The following DGKG variants were observed in gnomAD, a reference collection of about 807,000 sequenced individuals.
The protein encoded by DGKG is DAG kinase gamma.
In DGKG, 78 loss-of-function variants were observed where a neutral mutation model predicts 105.3. The ratio of observed to expected loss-of-function variants is 0.74; its 90% confidence interval spans 0.62 to 0.89. The LOEUF is 0.89. Ranked by LOEUF, DGKG falls within the 40% of genes least tolerant of loss-of-function variation. The pLI, the probability that DGKG is intolerant of heterozygous loss-of-function variation, is 0.00. For missense variants in DGKG, 958 were observed against 1,020.1 expected (o/e 0.94, Z 0.83); for synonymous variants, 346 against 367.1 (o/e 0.94, Z 0.66).
intron 24 of DGKG, among the ~76,000 whole-genome samples, chr3:186,156,786 G>A (rs555700374): frequency 6.6e-6 from 1 of 151,088 alleles, no homozygotes; most frequent in South Asian, 2.1e-4. Flanking sequence ...TATATCCTTT[G>A]AATTGATTAT....
chr3:186,186,831 T>C (rs1011880413), intron 22 of DGKG, among the ~76,000 whole-genome samples: 3 of 152,158 alleles, frequency 2.0e-5, no homozygotes, highest in Non-Finnish European at 2.9e-5. Flanking sequence ...TGGTGGAAAA[T>C]GGCTACTTTT....
At position 186,297,476 on chromosome 3, in the gene DGKG, A is replaced by G. The variant is rs763186192; in HGVS notation, c.318T>C (p.Asn106=). The change falls in exon 5 of 25, where the codon AAT becomes AAC. Residue 106 remains asparagine, a synonymous_variant. Transcript: ENST00000265022. ...TGGTGGCATTATCTGCATTCTGTATATTAGTATCTGAGGAAAAAAAAGAAG... is the reference window on the plus strand; with the variant it reads ...TGGTGGCATTATCTGCATTCTGTATGTTAGTATCTGAGGAAAAAAAAGAAG... The part of the protein sequence containing the change: ...SNSEANSADT[N]IQNADNATKA... 1.9e-6 allele frequency: 3 copies of G among 1,611,006 alleles called. No individual in the cohort carries two copies. Among genetic ancestry groups the G allele is most frequent in the Non-Finnish European group, 2.5e-6 (3 of 1,177,146 alleles).
intron 20 of DGKG, among the ~76,000 whole-genome samples, chr3:186,230,107 A>C (rs2108539357): frequency 1.3e-5 from 2 of 152,216 alleles, no homozygotes; most frequent in Admixed American, 1.3e-4. Flanking sequence ...AAAATAAAAA[A>C]ATTAGCCGGG....
In DGKG at chr3:186,277,990, C is replaced by T. The variant is rs1722661464; in HGVS notation, c.792+1861G>A. ...TAAAGTACATATTTAAAAATAAGTG[C>T]ATAAAACTCTTGATTAATAAAACTA... On this transcript the variant is annotated intron_variant, in intron 9 of 24. Coordinates refer to ENST00000265022, the MANE Select transcript of DGKG (RefSeq NM_001346.3). Among the ~76,000 whole-genome samples the T allele has an allele frequency of 2.0e-5, 3 of 152,240 alleles. No individual in the cohort carries two copies. The Middle Eastern group carries it at 0.01, about 518-fold the overall frequency.
intron 24 of DGKG, among the ~76,000 whole-genome samples, chr3:186,151,053 C>T (rs542789469): frequency 6.6e-6 from 1 of 152,330 alleles, no homozygotes; most frequent in African/African-American, 2.4e-5. Context: ...GGTTTGAGTC[C>T]AGACACTTCC....
intron 22 of DGKG, among the ~76,000 whole-genome samples, chr3:186,169,462 T>C (rs1247403441): frequency 6.6e-6 from 1 of 152,258 alleles, no homozygotes; most frequent in East Asian, 1.9e-4. Context: ...CAACTGCTCT[T>C]CACAGTTATA....
intron 20 of DGKG, among the ~76,000 whole-genome samples, chr3:186,235,868 T>C (rs1260878859): frequency 6.6e-6 from 1 of 152,180 alleles, no homozygotes; most frequent in Non-Finnish European, 1.5e-5. Flanking sequence ...CTTGCCTACC[T>C]GCCATGCAGT....
chr3:186,173,403 A>G (rs984916658), intron 22 of DGKG, among the ~76,000 whole-genome samples: 2 of 152,182 alleles, frequency 1.3e-5, no homozygotes, highest in Non-Finnish European at 2.9e-5. Context: ...GTGTGTGGGA[A>G]CCTCTTAACC....
intron 17 of DGKG, among the ~76,000 whole-genome samples, chr3:186,254,696 A>G (rs1273252117): frequency 6.6e-6 from 1 of 151,476 alleles, no homozygotes; most frequent in African/African-American, 2.4e-5. Flanking sequence ...TGCAGGTATG[A>G]TTCCTTCCCA....
intron 11 of DGKG, among the ~76,000 whole-genome samples, chr3:186,269,285 A>G (rs570538078): frequency 3.3e-5 from 5 of 152,238 alleles, no homozygotes; most frequent in Non-Finnish European, 7.3e-5. Flanking sequence ...CATGGTGCAG[A>G]GGAACTCTGG....
At chr3:186,280,850 C>T in intron 7 of DGKG, 106 bp from the exon 8 acceptor site, 1 of 885,870 alleles carries the variant, frequency 1.1e-6, no homozygotes, top group Non-Finnish European at 1.8e-6. Flanking sequence ...CAGGGCAGGG[C>T]AAGAGAAGAA....
intron 13 of DGKG, among the ~76,000 whole-genome samples, chr3:186,266,388 C>G (rs1722058655): frequency 6.6e-6 from 1 of 152,152 alleles, no homozygotes; most frequent in South Asian, 2.1e-4. Flanking sequence ...CATCTATTCT[C>G]CTGTTAATGG....
Position 186,284,538 on chromosome 3 carries a change from G to C in DGKG, c.594+122C>G, listed in dbSNP as rs1228524036. 1 of 856,078 alleles carries C rather than the reference G, an allele frequency of 1.2e-6. No homozygotes were observed. Among genetic ancestry groups the C allele is most frequent in the Non-Finnish European group, 2.0e-6 (1 of 510,544 alleles). The allele number at this position is 856,078 out of a possible 1,614,324, so 53.0% of individuals were successfully genotyped here. ...GGTCCTAGTCGGATTTCCTCAGCCT[G>C]CATCGAGACATTGCTATTACTACAA... On this transcript the variant is annotated intron_variant, in intron 7 of 24. Coordinates refer to ENST00000265022, the MANE Select transcript of DGKG (RefSeq NM_001346.3). This position sits in a 1 kb window ranked among gnomAD's most constrained non-coding sequence, Gnocchi z 4.0.
intron 1 of DGKG, among the ~76,000 whole-genome samples, chr3:186,343,062 A>G (rs1468325391): frequency 1.3e-5 from 2 of 152,190 alleles, no homozygotes; most frequent in Non-Finnish European, 2.9e-5. Context: ...CAATAACAAC[A>G]AAAAACCCCA....
chr3:186,238,901 C>G lies in DGKG; in HGVS notation c.1826+3603G>C, dbSNP rs1007728677. Among the ~76,000 whole-genome samples the G allele has an allele frequency of 3.9e-5, 6 of 152,208 alleles. No individual in the cohort carries two copies. In the East Asian group the frequency reaches 7.7e-4, roughly 20 times the overall value. On this transcript the variant is annotated intron_variant, in intron 20 of 24. Coordinates refer to ENST00000265022, the MANE Select transcript of DGKG (RefSeq NM_001346.3). ...CCATGGAGGAAGAATTTCCTGAAAC[C>G]CCAACATTTGAGTCATAATTTGATG...
chr3:186,313,807 A>T (rs1724674807), intron 2 of DGKG, among the ~76,000 whole-genome samples: 1 of 152,194 alleles, frequency 6.6e-6, no homozygotes, highest in South Asian at 2.1e-4. Flanking sequence ...TGTGGTGCTG[A>T]AACACATGTA....
intron 3 of DGKG, among the ~76,000 whole-genome samples, chr3:186,302,503 T>C (rs866157308): frequency 0.016 from 145 of 8,834 alleles, 4 homozygotes; most frequent in South Asian, 0.1. Context: ...TATATATATA[T>C]ATACATATGT....
intron 23 of DGKG, among the ~76,000 whole-genome samples, chr3:186,162,966 G>T (rs892807803): frequency 1.2e-4 from 18 of 152,168 alleles, no homozygotes; most frequent in African/African-American, 4.1e-4. Flanking sequence ...AGGTGAAAGT[G>T]TTGCCTTCTT....
Position 186,149,524 on chromosome 3 carries a change from A to G in DGKG, c.*566T>C. 1 of 985,480 alleles carries G rather than the reference A, an allele frequency of 1.0e-6. No individual in the cohort carries two copies. Among genetic ancestry groups the G allele is most frequent in the South Asian group, 4.7e-5 (1 of 21,292 alleles). The allele number at this position is 985,480 out of a possible 1,614,324, so 61.0% of individuals were successfully genotyped here. ...TTCTGCCTCTTCAGCAGGTTCACGG[A>G]GAAGTTGTCACTCAAAGGACGACCA... On this transcript the variant is annotated 3_prime_UTR_variant, in exon 25 of 25. Transcript: ENST00000265022.
Sources: gnomAD v4.1 joint callset for allele counts (sites outside exome capture counted in the v4.1 genomes callset) on GRCh38, gnomAD v4.1.1 for gene constraint, Gnocchi (gnomAD v3.1) non-coding constraint, MANE v1.5 for transcripts, NCBI Gene and HGNC (gene_info 2026-07-23, HGNC 2026-07-21) for gene names.